PCDHGA5: variants seen among roughly 807,000 people sequenced by gnomAD.
PCDHGA5 encodes the protein protocadherin gamma-A5.
In PCDHGA5, 36 loss-of-function variants were observed where a neutral mutation model predicts 56.7. The observed-to-expected ratio is 0.64, with a 90% CI of 0.49 to 0.84. The LOEUF is 0.84. Among genes scored for constraint, PCDHGA5 ranks in the 40% least tolerant of loss-of-function variants. The pLI is 0.00. For missense variants in PCDHGA5, 1,305 were observed against 1,201.5 expected (o/e 1.09, Z -1.27); for synonymous variants, 563 against 520.2 (o/e 1.08, Z -1.12).
At chr5:141,375,185 C>G in intron 1 of PCDHGA5, 1 of 1,613,948 alleles carries the variant, frequency 6.2e-7, no homozygotes, top group Non-Finnish European at 8.5e-7. Context: ...AGTAATCGCC[C>G]TTTTTCAAGT....
At chr5:141,373,265 A>G (rs1038274272) in intron 1 of PCDHGA5, among the ~76,000 whole-genome samples, 1 of 152,258 alleles carries the variant, frequency 6.6e-6, no homozygotes, top group Non-Finnish European at 1.5e-5. Context: ...TTAAAAGTAT[A>G]CACAGATGTT....
intron 1 of PCDHGA5, chr5:141,370,329 A>G: frequency 9.9e-6 from 14 of 1,407,454 alleles, no homozygotes; most frequent in Non-Finnish European, 1.2e-5. Context: ...CTGCTCGGAG[A>G]ACTCTTGGGA....
chr5:141,444,897 G>T (rs1445334623), intron 1 of PCDHGA5, among the ~76,000 whole-genome samples: 1 of 152,274 alleles, frequency 6.6e-6, no homozygotes, highest in African/African-American at 2.4e-5. Flanking sequence ...GAATGGGATG[G>T]CATTGCATCT....
chr5:141,476,098 G>A lies in PCDHGA5; in HGVS notation c.2422-18709G>A, dbSNP rs1241353656. The A allele has an allele frequency of 4.5e-6, 7 of 1,573,026 alleles. No homozygotes were observed. Among genetic ancestry groups the A allele is most frequent in the Non-Finnish European group, 6.0e-6 (7 of 1,163,102 alleles). ...AGGGACGATCTGGACCCCGCTGAGA[G>A]GAACTGCTTTTGAGTGAGATGGTCC... On this transcript the variant is annotated intron_variant, in intron 1 of 3. Transcript: ENST00000518069. This position sits in a 1 kb window ranked among gnomAD's most constrained non-coding sequence, Gnocchi z 7.6.
chr5:141,422,317 G>A (rs1266672163), intron 1 of PCDHGA5: 2 of 1,548,092 alleles, frequency 1.3e-6, no homozygotes, highest in Non-Finnish European at 1.7e-6. Context: ...CTCTCCTCCA[G>A]GTACAGTGAT....
At chr5:141,402,908 G>A (rs772824235) in intron 1 of PCDHGA5, 1 of 1,545,226 alleles carries the variant, frequency 6.5e-7, no homozygotes, top group Admixed American at 2.0e-5. Context: ...TGATGAAGCA[G>A]CGCGCACAGA....
chr5:141,433,283 T>A, intron 1 of PCDHGA5: 1 of 1,183,074 alleles, frequency 8.5e-7, no homozygotes, highest in Non-Finnish European at 1.2e-6. Flanking sequence ...AGCCTCAAAC[T>A]CCTAGGCTCA....
Position 141,486,173 on chromosome 5 carries a change from T to C in PCDHGA5, c.2422-8634T>C. 1 of 1,614,220 alleles carries C rather than the reference T, an allele frequency of 6.2e-7. No homozygotes were observed. Among genetic ancestry groups the C allele is most frequent in the Non-Finnish European group, 8.5e-7 (1 of 1,180,042 alleles). ...GGGTTCTCCAGCCATGGAGCAACATTGCAGCCTTCGAGTGGATCTGCTGGA... is the reference window on the plus strand; with the variant it reads ...GGGTTCTCCAGCCATGGAGCAACATCGCAGCCTTCGAGTGGATCTGCTGGA... On this transcript the variant is annotated intron_variant, in intron 1 of 3. Transcript: ENST00000518069. The surrounding 1 kb of genome is among the most constrained non-coding windows in gnomAD (Gnocchi z 5.0).
At chr5:141,417,851 G>A (rs1196210157) in intron 1 of PCDHGA5, 1 of 1,543,512 alleles carries the variant, frequency 6.5e-7, no homozygotes, top group Non-Finnish European at 8.8e-7. Flanking sequence ...GCGAGAACCC[G>A]AGCGAACGAT....
intron 1 of PCDHGA5, chr5:141,428,330 T>C: frequency 1.6e-6 from 1 of 628,558 alleles, no homozygotes; most frequent in Non-Finnish European, 2.9e-6. Flanking sequence ...TTGATTTCTA[T>C]GCTCTTCTTC....
intron 1 of PCDHGA5, chr5:141,417,860 A>G (rs1168739756): frequency 7.7e-6 from 12 of 1,549,390 alleles, no homozygotes; most frequent in African/African-American, 1.4e-5. Flanking sequence ...CGAGCGAACG[A>G]TGGGAGGGAG....
chr5:141,415,739 GGTTTTTT>G lies in PCDHGA5; in HGVS notation c.2421+48989_2421+48995del. 7.6e-5 allele frequency: 33 copies of G among 434,894 alleles called. No homozygotes were observed. In the African/African-American group the frequency reaches 8.5e-4, roughly 11 times the overall value. The allele number at this position is 434,894 out of a possible 1,614,324, so 26.9% of individuals were successfully genotyped here. A position where few individuals can be genotyped will look rare whatever the true frequency, so the allele number is the denominator to read the frequency against. On this transcript the variant is annotated intron_variant, in intron 1 of 3. Transcript: ENST00000518069. ...ATGAGTAGAATTTGATGTTTATTAA[GGTTTTTT>G]TTTTTTTTTTTTTTTTTTTTTTTTT...
At chr5:141,393,821 G>T (rs2240700) in intron 1 of PCDHGA5, 228,339 of 1,613,716 alleles carry the variant, frequency 0.14, 18,414 homozygotes, top group African/African-American at 0.32. Context: ...TGCTCATTTC[G>T]GTGGAAGATG....
chr5:141,454,281 A>C (rs1048947689), intron 1 of PCDHGA5, among the ~76,000 whole-genome samples: 2 of 152,242 alleles, frequency 1.3e-5, no homozygotes, highest in African/African-American at 4.8e-5. Context: ...AAAACTTCAC[A>C]TTAAAGGAAC....
At chr5:141,383,781 G>A (rs1435690676) in intron 1 of PCDHGA5, 13 of 1,613,850 alleles carry the variant, frequency 8.1e-6, no homozygotes, top group Non-Finnish European at 1.1e-5. Context: ...TGTTTCATCT[G>A]AACTCGCTTA....
chr5:141,511,537 A>G lies in PCDHGA5; in HGVS notation c.*364A>G. 2 of 319,256 alleles carry G rather than the reference A, an allele frequency of 6.3e-6. No individual in the cohort carries two copies. Among genetic ancestry groups the G allele is most frequent in the South Asian group, 3.3e-5 (1 of 29,854 alleles). 19.8% of individuals were successfully genotyped at this position (319,256 alleles called of 1,614,324 possible). A position where few individuals can be genotyped will look rare whatever the true frequency, so the allele number is the denominator to read the frequency against. On this transcript the variant is annotated 3_prime_UTR_variant, in exon 4 of 4. Coordinates refer to ENST00000518069, the MANE Select transcript of PCDHGA5 (RefSeq NM_018918.3). ...TCCATCCCATGCCTCCCTCCTCCCC[A>G]CCCCACTCCAACAGTTCCTCTTTCC... is the stretch of plus-strand genomic sequence containing the variant.
chr5:141,478,319 T>A, intron 1 of PCDHGA5: 4 of 1,614,052 alleles, frequency 2.5e-6, no homozygotes, highest in Non-Finnish European at 3.4e-6. Flanking sequence ...GAGCTCACTG[T>A]ACCGAACACC....
intron 1 of PCDHGA5, among the ~76,000 whole-genome samples, chr5:141,447,983 G>A (rs1311439824): frequency 6.6e-6 from 1 of 151,972 alleles, no homozygotes; most frequent in Non-Finnish European, 1.5e-5. Context: ...CTACTCGGGA[G>A]GCTGAGGCAT....
chr5:141,459,171 A>G (rs2098962477), intron 1 of PCDHGA5, among the ~76,000 whole-genome samples: 1 of 152,180 alleles, frequency 6.6e-6, no homozygotes, highest in Non-Finnish European at 1.5e-5. Flanking sequence ...ATAACCTTCA[A>G]AAGTTCCCTC....
Sources: allele counts gnomAD v4.1 joint callset (sites outside exome capture counted in the v4.1 genomes callset), GRCh38; gene constraint gnomAD v4.1.1; non-coding constraint Gnocchi (gnomAD v3.1); transcripts MANE v1.5; gene names NCBI Gene and HGNC (gene_info 2026-07-23, HGNC 2026-07-21).